The following SDK1 variants were observed in gnomAD, a reference collection of about 807,000 sequenced individuals.
SDK1 encodes protein sidekick-1.
SDK1 carries 157 observed loss-of-function variants against 245.5 expected under a neutral mutation model. The ratio of observed to expected loss-of-function variants is 0.64; its 90% CI spans 0.56 to 0.73. The LOEUF is 0.73. SDK1 is among the 30% of genes least tolerant of loss of function. SDK1 has a pLI of 0.00. For synonymous variants in SDK1, 1,647 were observed against 1,278.5 expected, an observed-to-expected ratio of 1.29 and a Z score of -6.15; for missense variants, 3,583 against 3,002.3, an observed-to-expected ratio of 1.19 and a Z score of -4.52.
At chr7:3,783,302 C>T (rs951386894) in intron 4 of SDK1, among the ~76,000 whole-genome samples, 6 of 152,116 alleles carry the variant, frequency 3.9e-5, no homozygotes, top group Admixed American at 3.9e-4. Context: ...CTGACATAGA[C>T]AAACATGCCT....
chr7:3,832,357 G>C (rs375995368), intron 5 of SDK1, among the ~76,000 whole-genome samples: 3 of 152,158 alleles, frequency 2.0e-5, no homozygotes, highest in African/African-American at 7.2e-5. Context: ...GCAGCCTAAC[G>C]ATTGGTCACC....
At chr7:4,076,890 C>G in intron 20 of SDK1, 108 bp from the exon 21 acceptor site, 1 of 961,866 alleles carries the variant, frequency 1.0e-6, no homozygotes, top group South Asian at 1.6e-5. Context: ...TTCAGCACAT[C>G]CAGCCAAGCT....
At chr7:4,128,254 C>T (rs530546168) in intron 26 of SDK1, among the ~76,000 whole-genome samples, 1 of 152,298 alleles carries the variant, frequency 6.6e-6, no homozygotes, top group South Asian at 2.1e-4. Flanking sequence ...CCTTTCCGTA[C>T]TTCACATCCC....
chr7:3,811,126 T>G (rs1295508386), intron 4 of SDK1, among the ~76,000 whole-genome samples: 1 of 152,210 alleles, frequency 6.6e-6, no homozygotes, highest in African/African-American at 2.4e-5. Flanking sequence ...ACATGGAATT[T>G]GTAGCTTCTG....
At chr7:3,932,004 A>C (rs556705241) in intron 5 of SDK1, among the ~76,000 whole-genome samples, 1 of 152,198 alleles carries the variant, frequency 6.6e-6, no homozygotes, top group Admixed American at 6.5e-5. Context: ...CTTACTGTTC[A>C]TTGGTTTGGA....
chr7:3,905,208 G>A (rs577503026), intron 5 of SDK1, among the ~76,000 whole-genome samples: 2 of 151,092 alleles, frequency 1.3e-5, no homozygotes, highest in South Asian at 2.1e-4. Context: ...TAGCTACTAC[G>A]TGTTTGTTAT....
intron 36 of SDK1, among the ~76,000 whole-genome samples, chr7:4,207,302 C>A (rs1193541780): frequency 3.9e-5 from 6 of 152,216 alleles, no homozygotes; most frequent in Non-Finnish European, 8.8e-5. Flanking sequence ...CCCACAGAGC[C>A]AAGGTGGGTC....
intron 4 of SDK1, among the ~76,000 whole-genome samples, chr7:3,765,592 C>T (rs1268664541): frequency 6.6e-6 from 1 of 152,182 alleles, no homozygotes; most frequent in Non-Finnish European, 1.5e-5. Context: ...CATGGAATAG[C>T]TTTTAATCTT....
chr7:4,082,035 T>C (rs1331872193), intron 22 of SDK1, among the ~76,000 whole-genome samples: 2 of 152,162 alleles, frequency 1.3e-5, no homozygotes, highest in African/African-American at 4.8e-5. Context: ...ATTTATAGAA[T>C]GTTCCAAAAC....
chr7:3,496,101 C>G (rs181895655), intron 1 of SDK1, among the ~76,000 whole-genome samples: 34 of 152,216 alleles, frequency 2.2e-4, no homozygotes, highest in South Asian at 4.2e-4. Flanking sequence ...CCTGGAGATG[C>G]GTAGTGTGGT....
chr7:3,680,226 T>A lies in SDK1; in HGVS notation c.713+38121T>A, dbSNP rs570380754. On this transcript the variant is annotated intron_variant, in intron 4 of 44. Transcript: ENST00000404826. ...TTTAGACTGTGTGAGTCCATTTATATTGCATTCTCAAAATGACTCAATTAC... is the reference window on the plus strand; with the variant it reads ...TTTAGACTGTGTGAGTCCATTTATAATGCATTCTCAAAATGACTCAATTAC... Among the ~76,000 whole-genome samples, 38 of 152,298 alleles carry A rather than the reference T, an allele frequency of 2.5e-4. 1 individual carries two copies. Among genetic ancestry groups the A allele is most frequent in the African/African-American group, 9.1e-4 (38 of 41,564 alleles).
chr7:3,736,057 T>G (rs1779310504), intron 4 of SDK1, among the ~76,000 whole-genome samples: 1 of 152,296 alleles, frequency 6.6e-6, no homozygotes, highest in South Asian at 2.1e-4. Flanking sequence ...CTTGTTGAAT[T>G]GTAAGAGTTC....
intron 4 of SDK1, among the ~76,000 whole-genome samples, chr7:3,698,125 A>AG (rs1784628380): frequency 6.6e-6 from 1 of 152,156 alleles, no homozygotes; most frequent in East Asian, 1.9e-4. Flanking sequence ...TTCCTCCCAA[A>AG]GGACCACAAA....
At chr7:4,103,076 C>T (rs1782673375) in intron 22 of SDK1, among the ~76,000 whole-genome samples, 1 of 148,870 alleles carries the variant, frequency 6.7e-6, no homozygotes, top group South Asian at 2.1e-4. Context: ...TCTCGGCTCA[C>T]TGCAAGCTCC....
At chr7:3,544,833 G>C (rs1378653609) in intron 1 of SDK1, among the ~76,000 whole-genome samples, 1 of 152,190 alleles carries the variant, frequency 6.6e-6, no homozygotes, top group East Asian at 1.9e-4. Flanking sequence ...GTTGAGTGAG[G>C]TGTCACTGCT....
chr7:3,377,450 TC>T (rs931277596), intron 1 of SDK1, among the ~76,000 whole-genome samples: 1 of 152,138 alleles, frequency 6.6e-6, no homozygotes, highest in African/African-American at 2.4e-5. Flanking sequence ...TTGGCAAGCT[TC>T]CCCGTGGGGT....
At chr7:3,507,631 G>A (rs1290844731) in intron 1 of SDK1, among the ~76,000 whole-genome samples, 2 of 152,204 alleles carry the variant, frequency 1.3e-5, no homozygotes, top group East Asian at 1.9e-4. Flanking sequence ...CATCCTTGCT[G>A]TACTCTCATG....
chr7:3,582,683 T>TAAAAAAAAAAAAAAAAAAA lies in SDK1; in HGVS notation c.299-36389_299-36371dup, dbSNP rs71029682. Reference sequence around the variant, plus strand: ...ATGTAGCCCTGAACCTAAACTAAAGTAAAAAAAAAAAAAAAAAAAAAAAAA... The same window carrying TAAAAAAAAAAAAAAAAAAA: ...ATGTAGCCCTGAACCTAAACTAAAGTAAAAAAAAAAAAAAAAAAAAAAAAAAAAAAAAAAAAAAAAAAAA... On this transcript the variant is annotated intron_variant, in intron 1 of 44. Transcript: ENST00000404826. Among the ~76,000 whole-genome samples, 124 of 69,680 alleles carry TAAAAAAAAAAAAAAAAAAA rather than the reference T, an allele frequency of 1.8e-3. 3 individuals are homozygous for TAAAAAAAAAAAAAAAAAAA. Among genetic ancestry groups the TAAAAAAAAAAAAAAAAAAA allele is most frequent in the South Asian group, 6.5e-3 (9 of 1,386 alleles). 45.7% of individuals were successfully genotyped at this position (69,680 alleles called of 152,430 possible).
chr7:3,672,784 TATATATATATAA>T lies in SDK1; in HGVS notation c.713+30681_713+30692del, dbSNP rs1445620232. Among the ~76,000 whole-genome samples the T allele has an allele frequency of 2.8e-3, 289 of 104,632 alleles. 21 individuals are homozygous for T. The highest frequency in any genetic ancestry group is 0.026 in the East Asian group (91 of 3,524). 68.6% of individuals were successfully genotyped at this position (104,632 alleles called of 152,430 possible). A position where few individuals can be genotyped will look rare whatever the true frequency, so the allele number is the denominator to read the frequency against. ...TTATATATATATATATATATATATA[TATATATATATAA>T]AAAATACAGAAAGCTCTAAGTATGC... On this transcript the variant is annotated intron_variant, in intron 4 of 44. Coordinates refer to ENST00000404826, the MANE Select transcript of SDK1 (RefSeq NM_152744.4).
Sources: gnomAD v4.1 joint callset for allele counts (sites outside exome capture counted in the v4.1 genomes callset) on GRCh38, gnomAD v4.1.1 for gene constraint, MANE v1.5 for transcripts, NCBI Gene and HGNC (gene_info 2026-07-23, HGNC 2026-07-21) for gene names.